Variants in ANKH observed in about 807,000 individuals in gnomAD.
The protein encoded by ANKH is mineralization regulator ANKH.
Under a neutral mutation model 49.0 loss-of-function variants are expected in ANKH, and 15 were observed. The observed-to-expected ratio is 0.31, with a 90% CI of 0.20 to 0.47. The LOEUF (loss-of-function observed/expected upper bound fraction) is 0.47, where lower values mean the gene tolerates loss of function less well. Among genes scored for constraint, ANKH ranks in the 20% least tolerant of loss-of-function variants. The pLI is 1.00. For missense variants in ANKH, 429 were observed against 652.0 expected, an observed-to-expected ratio of 0.66 and a Z score of 3.72; for synonymous variants, 273 against 260.0, an observed-to-expected ratio of 1.05 and a Z score of -0.48.
At chr5:14,850,823 G>A (rs188351490) in intron 1 of ANKH, among the ~76,000 whole-genome samples, 91 of 152,246 alleles carry the variant, frequency 6.0e-4, no homozygotes, top group Non-Finnish European at 1.0e-3. Context: ...AAACTGCGAC[G>A]TCTGCCAGAA....
intron 1 of ANKH, among the ~76,000 whole-genome samples, chr5:14,841,198 G>C (rs1306466810): frequency 6.6e-6 from 1 of 151,892 alleles, no homozygotes; most frequent in Non-Finnish European, 1.5e-5. Flanking sequence ...GGCCTCTTAA[G>C]AGCTCCAAGG....
chr5:14,855,376 A>G (rs55954907), intron 1 of ANKH, among the ~76,000 whole-genome samples: 53,801 of 152,156 alleles, frequency 0.35, 9,560 homozygotes, highest in Admixed American at 0.41. Flanking sequence ...GACTCCATTC[A>G]GTGACTAGCA....
intron 1 of ANKH, among the ~76,000 whole-genome samples, chr5:14,801,514 C>G (rs1015318053): frequency 6.6e-6 from 1 of 152,236 alleles, no homozygotes; most frequent in Non-Finnish European, 1.5e-5. Context: ...TAAACTCTTT[C>G]TCTTTTTTAG....
At chr5:14,765,870 C>T (rs1253144927) in intron 2 of ANKH, among the ~76,000 whole-genome samples, 1 of 152,150 alleles carries the variant, frequency 6.6e-6, no homozygotes, top group Non-Finnish European at 1.5e-5. Flanking sequence ...CTGGCAATGT[C>T]CACATTTGAA....
intron 1 of ANKH, among the ~76,000 whole-genome samples, chr5:14,816,353 C>G (rs1405773025): frequency 6.6e-6 from 1 of 152,092 alleles, no homozygotes; most frequent in Non-Finnish European, 1.5e-5. Context: ...TCGAATGGGT[C>G]TAATTGTAAT....
At chr5:14,784,021 C>G (rs748019489) in intron 1 of ANKH, among the ~76,000 whole-genome samples, 1 of 152,244 alleles carries the variant, frequency 6.6e-6, no homozygotes, top group Non-Finnish European at 1.5e-5. Context: ...CCACCTTGCC[C>G]TCAGGGCCCT....
chr5:14,752,206 T>G (rs903519585), intron 4 of ANKH, among the ~76,000 whole-genome samples: 4 of 152,112 alleles, frequency 2.6e-5, no homozygotes, highest in African/African-American at 9.7e-5. Context: ...GCTACTTTGG[T>G]AGCTGACGTG....
At chr5:14,757,430 A>ATATATATATATAT (rs1379233165) in intron 3 of ANKH, among the ~76,000 whole-genome samples, 2 of 113,818 alleles carry the variant, frequency 1.8e-5, no homozygotes, top group African/African-American at 6.6e-5. Context: ...ATATATATAT[A>ATATATATATATAT]TTTTTTTTTT....
chr5:14,775,508 C>T (rs940022724), intron 1 of ANKH, among the ~76,000 whole-genome samples: 1 of 152,170 alleles, frequency 6.6e-6, no homozygotes, highest in Non-Finnish European at 1.5e-5. Flanking sequence ...AACCTGCAGA[C>T]GTGAACCCAT....
intron 1 of ANKH, among the ~76,000 whole-genome samples, chr5:14,842,225 TGG>T (rs1741834913): frequency 1.3e-5 from 2 of 152,264 alleles, no homozygotes; most frequent in South Asian, 4.2e-4. Flanking sequence ...TGACTGATGA[TGG>T]GGGGTGTGGT....
chr5:14,808,295 G>A (rs1740766017), intron 1 of ANKH, among the ~76,000 whole-genome samples: 1 of 151,926 alleles, frequency 6.6e-6, no homozygotes, highest in East Asian at 1.9e-4. Flanking sequence ...AAATCTTATA[G>A]TGATCTTTGA....
chr5:14,871,534 A>T lies in ANKH; in HGVS notation c.-87T>A, dbSNP rs886060204. 2 of 920,694 alleles carry T rather than the reference A, an allele frequency of 2.2e-6. No homozygotes were observed. Among genetic ancestry groups the T allele is most frequent in the Non-Finnish European group, 3.1e-6 (2 of 652,892 alleles). The allele number at this position is 920,694 out of a possible 1,614,324, so 57.0% of individuals were successfully genotyped here. On this transcript the variant is annotated 5_prime_UTR_variant, in exon 1 of 12. Coordinates refer to ENST00000284268, the MANE Select transcript of ANKH (RefSeq NM_054027.6). ...CGAGGGGCGACGGGGCGACGGGGCGAGCGGGGCGCGGGCCGACAGAGGCCG... is the reference window on the plus strand; with the variant it reads ...CGAGGGGCGACGGGGCGACGGGGCGTGCGGGGCGCGGGCCGACAGAGGCCG...
At chr5:14,735,006 A>G (rs696294) in intron 8 of ANKH, among the ~76,000 whole-genome samples, 48,420 of 152,078 alleles carry the variant, frequency 0.32, 9,225 homozygotes, top group African/African-American at 0.54. Context: ...TTAGTCCTGG[A>G]CTCTGCAAAG....
At chr5:14,833,730 C>A (rs1356746846) in intron 1 of ANKH, among the ~76,000 whole-genome samples, 2 of 152,180 alleles carry the variant, frequency 1.3e-5, no homozygotes, top group Admixed American at 6.5e-5. Flanking sequence ...GACCTGTAGG[C>A]CCTGCCTTGC....
chr5:14,834,600 G>A (rs1051422826), intron 1 of ANKH, among the ~76,000 whole-genome samples: 1 of 152,092 alleles, frequency 6.6e-6, no homozygotes, highest in African/African-American at 2.4e-5. Context: ...GGCCAACATG[G>A]TGAAACTCTG....
intron 8 of ANKH, among the ~76,000 whole-genome samples, chr5:14,733,941 G>C (rs985087221): frequency 6.6e-6 from 1 of 152,218 alleles, no homozygotes; most frequent in African/African-American, 2.4e-5. Flanking sequence ...TCTTTAAGCT[G>C]AGACTAAGAA....
intron 1 of ANKH, among the ~76,000 whole-genome samples, chr5:14,860,104 G>A (rs772316551): frequency 6.6e-6 from 1 of 152,204 alleles, no homozygotes; most frequent in Non-Finnish European, 1.5e-5. Context: ...CTCTGCGTGG[G>A]GGTACAAATG....
chr5:14,793,815 T>C (rs2126549517), intron 1 of ANKH, among the ~76,000 whole-genome samples: 1 of 152,292 alleles, frequency 6.6e-6, no homozygotes, highest in South Asian at 2.1e-4. Flanking sequence ...CCTTGTTTGC[T>C]CTCTCGTGGG....
chr5:14,763,381 C>A (rs973559283), intron 2 of ANKH, among the ~76,000 whole-genome samples: 1 of 152,100 alleles, frequency 6.6e-6, no homozygotes, highest in Admixed American at 6.5e-5. Context: ...TAAATCACTT[C>A]GATAAATACA....
Sources: gnomAD v4.1 joint callset for allele counts (sites outside exome capture counted in the v4.1 genomes callset) on GRCh38, gnomAD v4.1.1 for gene constraint, MANE v1.5 for transcripts, NCBI Gene and HGNC (gene_info 2026-07-23, HGNC 2026-07-21) for gene names.